The following IQSEC3 variants were observed in gnomAD, a reference collection of about 807,000 sequenced individuals.
IQSEC3 encodes the protein IQ motif and Sec7 domain ArfGEF 3.
In IQSEC3, 50 loss-of-function variants were observed where a neutral mutation model predicts 105.4. The observed-to-expected ratio is 0.47, with a 90% CI of 0.38 to 0.60. The LOEUF (loss-of-function observed/expected upper bound fraction) is 0.60, where lower values mean the gene tolerates loss of function less well. IQSEC3 is among the 20% of genes least tolerant of loss of function. The pLI, the probability that IQSEC3 is intolerant of heterozygous loss-of-function variation, is 0.00. For missense variants in IQSEC3, 1,415 were observed against 1,630.0 expected, an observed-to-expected ratio of 0.87 and a Z score of 2.27; for synonymous variants, 708 against 746.0, an observed-to-expected ratio of 0.95 and a Z score of 0.83.
chr12:172,293 G>A (rs939323537), intron 13 of IQSEC3, among the ~76,000 whole-genome samples: 20 of 144,840 alleles, frequency 1.4e-4, no homozygotes, highest in Admixed American at 2.9e-4. Context: ...TGCCCCAGCC[G>A]CTGACAAGCC....
intron 5 of IQSEC3, among the ~76,000 whole-genome samples, chr12:156,595 C>T (rs1327826021): frequency 1.3e-5 from 2 of 152,158 alleles, no homozygotes; most frequent in African/African-American, 2.4e-5. Context: ...AGGACTCAGC[C>T]CCCTCAAGAC....
intron 6 of IQSEC3, 66 bp downstream of exon 6, chr12:157,213 C>T: frequency 6.9e-7 from 1 of 1,459,458 alleles, no homozygotes; most frequent in Non-Finnish European, 9.1e-7. Flanking sequence ...CCGCTGTGAG[C>T]CTGGGAGACA....
At chr12:162,175 A>G (rs1382559156) in intron 8 of IQSEC3, 110 bp downstream of exon 8, 2 of 1,253,990 alleles carry the variant, frequency 1.6e-6, no homozygotes, top group African/African-American at 3.0e-5. Context: ...ATATTCATTC[A>G]CATGATAGTT....
intron 9 of IQSEC3, chr12:165,173 C>T (rs985527963): frequency 7.2e-5 from 38 of 524,838 alleles, no homozygotes; most frequent in Non-Finnish European, 1.2e-4. Flanking sequence ...AAGGCAAGGA[C>T]CACATCAGGT....
Position 142,902 on chromosome 12 carries a change from C to T in IQSEC3, c.2153+1617C>T, listed in dbSNP as rs1216943767. On this transcript the variant is annotated intron_variant, in intron 5 of 13. Transcript: ENST00000538872. ...TCCCAAGCCAGGGTGAGGTGCTGGC[C>T]CCGTAGCCCCAGGCACCCCTGCTGT... Among the ~76,000 whole-genome samples the T allele has an allele frequency of 3.3e-5, 5 of 152,178 alleles. No homozygotes were observed. In the East Asian group the frequency reaches 5.8e-4, roughly 18 times the overall value.
intron 2 of IQSEC3, among the ~76,000 whole-genome samples, chr12:108,243 C>T (rs1864749027): frequency 6.6e-6 from 1 of 152,218 alleles, no homozygotes; most frequent in African/African-American, 2.4e-5. Flanking sequence ...ATTCTTTCTA[C>T]CTGCTATTTA....
intron 3 of IQSEC3, among the ~76,000 whole-genome samples, chr12:135,683 C>G (rs1241201499): frequency 2.6e-5 from 4 of 152,146 alleles, no homozygotes; most frequent in African/African-American, 9.7e-5. Context: ...AAGCTGAAGC[C>G]CCAGACAGAC....
At chr12:87,020 G>C (rs1282441737) in intron 1 of IQSEC3, among the ~76,000 whole-genome samples, 1 of 152,018 alleles carries the variant, frequency 6.6e-6, no homozygotes, top group Non-Finnish European at 1.5e-5. Context: ...CTATATGCAG[G>C]TGCACTCCTA....
chr12:169,199 C>A, intron 12 of IQSEC3, 94 bp downstream of exon 12: 1 of 1,002,836 alleles, frequency 1.0e-6, no homozygotes, highest in South Asian at 1.4e-5. Context: ...GAGAGGTGCC[C>A]ATTCCCGTGG....
At chr12:166,027 C>T (rs1412999429) in intron 11 of IQSEC3, 137 bp downstream of exon 11, 2 of 882,008 alleles carry the variant, frequency 2.3e-6, no homozygotes, top group Non-Finnish European at 3.4e-6. Context: ...CCCACCGCAC[C>T]ACACTCCCAC....
chr12:70,305 C>T (rs1863263849), intron 1 of IQSEC3, among the ~76,000 whole-genome samples: 1 of 152,272 alleles, frequency 6.6e-6, no homozygotes, highest in Admixed American at 6.5e-5. Context: ...TAATTGCCAT[C>T]TTATCTGCAT....
At chr12:125,355 T>A (rs1865352263) in intron 2 of IQSEC3, among the ~76,000 whole-genome samples, 2 of 152,258 alleles carry the variant, frequency 1.3e-5, no homozygotes, top group Non-Finnish European at 2.9e-5. Flanking sequence ...GATGCACCGC[T>A]CTGCCATACT....
intron 1 of IQSEC3, 22 bp from the exon 2 acceptor site, chr12:99,124 T>A (rs1555075430): frequency 6.3e-7 from 1 of 1,593,536 alleles, no homozygotes; most frequent in African/African-American, 1.3e-5. Flanking sequence ...GGCGCTCTGA[T>A]CTCCCTCTGC....
At chr12:162,432 C>T (rs183806490) in intron 8 of IQSEC3, among the ~76,000 whole-genome samples, 8 of 152,216 alleles carry the variant, frequency 5.3e-5, no homozygotes, top group Admixed American at 5.2e-4. Flanking sequence ...GAAATGGGCT[C>T]AATAGGCTCC....
At chr12:100,779 C>T (rs1864399108) in intron 2 of IQSEC3, among the ~76,000 whole-genome samples, 1 of 152,160 alleles carries the variant, frequency 6.6e-6, no homozygotes, top group Non-Finnish European at 1.5e-5. Context: ...AAAAGAAAAA[C>T]TGCTCACCTG....
At chr12:81,667 G>T (rs111947466) in intron 1 of IQSEC3, among the ~76,000 whole-genome samples, 6 of 152,298 alleles carry the variant, frequency 3.9e-5, no homozygotes, top group African/African-American at 1.2e-4. Flanking sequence ...TTAGATGTTT[G>T]AGAGGAGATG....
intron 1 of IQSEC3, among the ~76,000 whole-genome samples, chr12:81,026 C>T (rs569262943): frequency 3.4e-4 from 52 of 152,268 alleles, no homozygotes; most frequent in African/African-American, 4.1e-4. Context: ...GGTGCAGGCG[C>T]GTAGCAGATC....
rs76971010 is a variant in IQSEC3, at chr12:140,962, C to T, written c.1992-162C>T. On this transcript the variant is annotated intron_variant, in intron 4 of 13. Transcript: ENST00000538872. The stretch of plus-strand genomic sequence containing the variant: ...CCTTCTGGTCACACACCATCCTCTG[C>T]GTGAGGACATTCAGTGGGTTGAGGC... 3.3e-5 allele frequency: 22 copies of T among 657,126 alleles called. 1 individual carries two copies. The highest frequency in any genetic ancestry group is 1.3e-4 in the South Asian group (6 of 45,988). The allele number at this position is 657,126 out of a possible 1,614,324, so 40.7% of individuals were successfully genotyped here.
At chr12:150,092 G>A (rs577046848) in intron 5 of IQSEC3, among the ~76,000 whole-genome samples, 159 of 152,176 alleles carry the variant, frequency 1.0e-3, no homozygotes, top group Non-Finnish European at 1.9e-3. Context: ...GCCCTAAACT[G>A]CGGCTGTGGG....
Sources: gnomAD v4.1 joint callset for allele counts (sites outside exome capture counted in the v4.1 genomes callset) on GRCh38, gnomAD v4.1.1 for gene constraint, MANE v1.5 for transcripts, NCBI Gene and HGNC (gene_info 2026-07-23, HGNC 2026-07-21) for gene names.